The following ZNF385D variants were observed in gnomAD, a reference collection of about 807,000 sequenced individuals.
ZNF385D encodes the protein zinc finger protein 659.
A neutral mutation model predicts 35.8 loss-of-function variants in ZNF385D; 15 were observed. The ratio of observed to expected loss-of-function variants is 0.42; its 90% CI spans 0.28 to 0.64. The LOEUF (loss-of-function observed/expected upper bound fraction) is 0.64. ZNF385D is among the 30% of genes least tolerant of loss of function. ZNF385D has a pLI of 0.23. For missense variants in ZNF385D, 474 were observed against 494.6 expected (o/e 0.96, Z 0.39); for synonymous variants, 212 against 186.8 (o/e 1.13, Z -1.10).
At chr3:21,881,582 T>C (rs897197744) in intron 3 of ZNF385D, among the ~76,000 whole-genome samples, 1 of 152,060 alleles carries the variant, frequency 6.6e-6, no homozygotes, top group African/African-American at 2.4e-5. Context: ...ATTAATGTTG[T>C]TTTAATGCCT....
intron 3 of ZNF385D, among the ~76,000 whole-genome samples, chr3:21,853,506 CCTTT>C (rs1559692501): frequency 2.2e-4 from 8 of 35,964 alleles, no homozygotes; most frequent in Non-Finnish European, 2.3e-4. Context: ...AAATTGCAGT[CCTTT>C]TTTTTTTTTT....
chr3:21,950,315 G>T (rs1702003363), intron 3 of ZNF385D, among the ~76,000 whole-genome samples: 1 of 151,816 alleles, frequency 6.6e-6, no homozygotes, highest in East Asian at 1.9e-4. Flanking sequence ...CAGCTATGAT[G>T]AGCTTCTTTT....
In ZNF385D at chr3:21,962,678, G is replaced by A. The variant is rs191447421; in HGVS notation, c.325+206139C>T. 2.9e-4 allele frequency among the ~76,000 whole-genome samples: 44 copies of A among 152,280 alleles called. No homozygotes were observed. The East Asian group carries it at 8.3e-3, about 29-fold the overall frequency. On this transcript the variant is annotated intron_variant, in intron 3 of 5. Coordinates refer to the ZNF385D transcript ENST00000494108. ...TGGCTTCTTGCCAGTGCTATTAACT[G>A]GTGAGGTGTCCAATTCTCTGTGGAA...
intron 3 of ZNF385D, among the ~76,000 whole-genome samples, chr3:21,931,562 C>T (rs935971448): frequency 2.6e-5 from 4 of 152,060 alleles, no homozygotes; most frequent in East Asian, 1.9e-4. Flanking sequence ...ACGGCATATT[C>T]GTAGAGTGGA....
chr3:21,701,157 G>T (rs6550619), intron 1 of ZNF385D, among the ~76,000 whole-genome samples: 104,048 of 151,980 alleles, frequency 0.68, 36,238 homozygotes, highest in Non-Finnish European at 0.75. Context: ...GCACTCTGCA[G>T]GTATGTGTTG....
At chr3:22,057,236 T>C (rs908162253) in intron 3 of ZNF385D, among the ~76,000 whole-genome samples, 1 of 152,232 alleles carries the variant, frequency 6.6e-6, no homozygotes, top group African/African-American at 2.4e-5. Context: ...AGCCTCAGTT[T>C]ATCTGTTTAT....
At chr3:22,076,092 AC>A (rs1700450597) in intron 3 of ZNF385D, among the ~76,000 whole-genome samples, 1 of 151,804 alleles carries the variant, frequency 6.6e-6, no homozygotes, top group Admixed American at 6.6e-5. Context: ...GTAGACTATC[AC>A]CTTTTAGTTT....
At chr3:22,358,135 T>C (rs1696240827) in intron 2 of ZNF385D, among the ~76,000 whole-genome samples, 1 of 151,890 alleles carries the variant, frequency 6.6e-6, no homozygotes, top group Admixed American at 6.6e-5. Flanking sequence ...TTCAGCATGT[T>C]CAAGAAGTAA....
chr3:21,671,354 C>T (rs1414194890), intron 1 of ZNF385D, among the ~76,000 whole-genome samples: 1 of 152,068 alleles, frequency 6.6e-6, no homozygotes, highest in Non-Finnish European at 1.5e-5. Context: ...CTTGATTTGG[C>T]CAAAACATTG....
intron 4 of ZNF385D, among the ~76,000 whole-genome samples, chr3:21,467,453 C>T (rs913028041): frequency 6.6e-6 from 1 of 152,104 alleles, no homozygotes; most frequent in Non-Finnish European, 1.5e-5. Flanking sequence ...TTGGGGGGAA[C>T]AAAATTATTT....
intron 2 of ZNF385D, among the ~76,000 whole-genome samples, chr3:22,264,027 G>A (rs1700766886): frequency 6.6e-6 from 1 of 151,954 alleles, no homozygotes; most frequent in South Asian, 2.1e-4. Flanking sequence ...GTAGTCATGA[G>A]CAATGTGAAT....
chr3:21,739,523 G>A (rs144149624), intron 1 of ZNF385D, among the ~76,000 whole-genome samples: 1 of 152,178 alleles, frequency 6.6e-6, no homozygotes, highest in East Asian at 1.9e-4. Context: ...AGGAACATGA[G>A]GGGCCAGATC....
Position 22,366,721 on chromosome 3 carries a change from C to A in ZNF385D, c.106+5729G>T, listed in dbSNP as rs79080480. Among the ~76,000 whole-genome samples the A allele has an allele frequency of 3.0e-3, 461 of 152,136 alleles. 1 individual carries two copies. Among genetic ancestry groups the A allele is most frequent in the African/African-American group, 0.011 (436 of 41,508 alleles). ...AATCCTTAGAACCTGTAAATGATAACCTTATTTGGAAAAAGGGTTTTTCAT... is the reference window on the plus strand; with the variant it reads ...AATCCTTAGAACCTGTAAATGATAAACTTATTTGGAAAAAGGGTTTTTCAT... On this transcript the variant is annotated intron_variant, in intron 2 of 5. Transcript: ENST00000494108.
At chr3:21,475,862 T>C (rs1575005875) in intron 4 of ZNF385D, among the ~76,000 whole-genome samples, 1 of 152,112 alleles carries the variant, frequency 6.6e-6, no homozygotes, top group East Asian at 1.9e-4. Context: ...TTTCTATTGG[T>C]ATTTATGGTT....
chr3:21,498,614 A>G (rs1360569289), intron 4 of ZNF385D, among the ~76,000 whole-genome samples: 1 of 152,122 alleles, frequency 6.6e-6, no homozygotes, highest in Non-Finnish European at 1.5e-5. Flanking sequence ...GCTCAACATC[A>G]CTAATCATTA....
chr3:21,943,130 T>C (rs1359781617), intron 3 of ZNF385D, among the ~76,000 whole-genome samples: 1 of 152,084 alleles, frequency 6.6e-6, no homozygotes, highest in Non-Finnish European at 1.5e-5. Context: ...GGCCTAAAAA[T>C]GAGGGAAGTA....
At chr3:21,953,634 C>T (rs2125303087) in intron 3 of ZNF385D, among the ~76,000 whole-genome samples, 1 of 152,104 alleles carries the variant, frequency 6.6e-6, no homozygotes, top group African/African-American at 2.4e-5. Context: ...AACTAAACCC[C>T]TGTGTTTTCT....
chr3:21,596,159 T>C (rs1414284793), intron 2 of ZNF385D, among the ~76,000 whole-genome samples: 3 of 152,182 alleles, frequency 2.0e-5, no homozygotes, highest in Non-Finnish European at 4.4e-5. Context: ...GAAAGAAAGT[T>C]ATCCAAAGTT....
At chr3:21,821,386 T>C (rs954767420) in intron 3 of ZNF385D, among the ~76,000 whole-genome samples, 3 of 152,182 alleles carry the variant, frequency 2.0e-5, no homozygotes, top group Non-Finnish European at 4.4e-5. Flanking sequence ...TTTTAAAGGC[T>C]TTTATGATAA....
Sources: gnomAD v4.1 joint callset for allele counts (sites outside exome capture counted in the v4.1 genomes callset) on GRCh38, gnomAD v4.1.1 for gene constraint, MANE v1.5 for transcripts, NCBI Gene and HGNC (gene_info 2026-07-23, HGNC 2026-07-21) for gene names.